NKAIN2: variants seen among roughly 807,000 people sequenced by gnomAD.
The protein encoded by NKAIN2 is sodium/potassium transporting ATPase interacting 2.
In NKAIN2, 14 loss-of-function variants were observed where a neutral mutation model predicts 32.6. That is an observed-to-expected ratio of 0.43 (90% CI 0.28 to 0.67). NKAIN2 has a LOEUF of 0.67. NKAIN2 is among the 30% of genes least tolerant of loss of function. NKAIN2 has a pLI of 0.17. For synonymous variants in NKAIN2, 80 were observed against 87.2 expected (o/e 0.92, Z 0.46); for missense variants, 198 against 258.3 (o/e 0.77, Z 1.60).
intron 3 of NKAIN2, among the ~76,000 whole-genome samples, chr6:124,439,270 T>C (rs1775589274): frequency 6.6e-6 from 1 of 152,092 alleles, no homozygotes; most frequent in South Asian, 2.1e-4. Context: ...CCAGAGTCAC[T>C]TTTTACTCCC....
chr6:123,834,350 T>A (rs1774520888), intron 1 of NKAIN2, among the ~76,000 whole-genome samples: 1 of 151,942 alleles, frequency 6.6e-6, no homozygotes, highest in Non-Finnish European at 1.5e-5. Flanking sequence ...AGACGGGGTT[T>A]CACCATGTTG....
intron 1 of NKAIN2, among the ~76,000 whole-genome samples, chr6:123,966,326 A>G (rs1378395770): frequency 6.6e-6 from 1 of 152,140 alleles, no homozygotes; most frequent in Non-Finnish European, 1.5e-5. Context: ...CATCCTCAGA[A>G]GATACGAGCT....
At chr6:124,305,442 A>G (rs1156869625) in intron 2 of NKAIN2, among the ~76,000 whole-genome samples, 1 of 152,144 alleles carries the variant, frequency 6.6e-6, no homozygotes. Flanking sequence ...TGAAAAGGAT[A>G]TATGTTGTTG....
intron 1 of NKAIN2, among the ~76,000 whole-genome samples, chr6:123,883,936 T>C (rs796412872): frequency 4.7e-5 from 7 of 150,150 alleles, no homozygotes; most frequent in African/African-American, 1.7e-4. Flanking sequence ...TCTCAGGTAT[T>C]ACAGTTTTTT....
At chr6:124,106,437 A>G (rs895086974) in intron 1 of NKAIN2, among the ~76,000 whole-genome samples, 4 of 152,204 alleles carry the variant, frequency 2.6e-5, no homozygotes, top group East Asian at 1.9e-4. Flanking sequence ...AGAGGTTTGT[A>G]TCTATGATAT....
At chr6:124,782,422 A>G (rs1562380669) in intron 4 of NKAIN2, among the ~76,000 whole-genome samples, 1 of 152,094 alleles carries the variant, frequency 6.6e-6, no homozygotes, top group Non-Finnish European at 1.5e-5. Context: ...TTCTTTTTCC[A>G]AATGCACCTA....
intron 1 of NKAIN2, among the ~76,000 whole-genome samples, chr6:123,995,146 C>G (rs891326046): frequency 1.3e-5 from 2 of 152,066 alleles, no homozygotes; most frequent in Non-Finnish European, 2.9e-5. Context: ...GAGAGAAACA[C>G]GAGAATTGCA....
chr6:124,812,398 T>A (rs898516182), intron 5 of NKAIN2, among the ~76,000 whole-genome samples: 1 of 152,176 alleles, frequency 6.6e-6, no homozygotes, highest in African/African-American at 2.4e-5. Context: ...CTATTGAGTG[T>A]CTTCCGTGAG....
At chr6:123,897,030 G>A (rs191692879) in intron 1 of NKAIN2, among the ~76,000 whole-genome samples, 17 of 152,176 alleles carry the variant, frequency 1.1e-4, no homozygotes, top group African/African-American at 3.9e-4. Context: ...GCCACCTCTT[G>A]TTGTCCTTGA....
At chr6:124,494,346 A>G (rs987361307) in intron 3 of NKAIN2, among the ~76,000 whole-genome samples, 2 of 152,106 alleles carry the variant, frequency 1.3e-5, no homozygotes, top group African/African-American at 4.8e-5. Flanking sequence ...AAATATTCTA[A>G]TCCAAATGCA....
At chr6:124,622,718 T>G (rs1448654489) in intron 3 of NKAIN2, among the ~76,000 whole-genome samples, 1 of 152,096 alleles carries the variant, frequency 6.6e-6, no homozygotes, top group African/African-American at 2.4e-5. Flanking sequence ...AGTGGGAAGG[T>G]GGTCTTCCCC....
intron 1 of NKAIN2, among the ~76,000 whole-genome samples, chr6:123,935,258 C>T (rs986006915): frequency 1.5e-4 from 23 of 149,742 alleles, no homozygotes; most frequent in African/African-American, 4.4e-4. Context: ...GTAGTGTGAC[C>T]TTATACAAAG....
intron 3 of NKAIN2, among the ~76,000 whole-genome samples, chr6:124,403,643 A>G (rs1773723590): frequency 6.6e-6 from 1 of 152,222 alleles, no homozygotes; most frequent in Non-Finnish European, 1.5e-5. Flanking sequence ...GACACTAGTA[A>G]AATTAGAGTG....
intron 3 of NKAIN2, among the ~76,000 whole-genome samples, chr6:124,510,151 GA>G (rs34750269): frequency 6.7e-4 from 99 of 148,606 alleles, no homozygotes; most frequent in Middle Eastern, 3.4e-3. Context: ...AGTGCTTTGG[GA>G]AAAAAAAAAG....
chr6:124,246,807 T>C (rs565541638), intron 1 of NKAIN2, among the ~76,000 whole-genome samples: 102 of 152,194 alleles, frequency 6.7e-4, no homozygotes, highest in African/African-American at 2.3e-3. Flanking sequence ...TGTTTTGGTT[T>C]TCTATTGCTA....
chr6:124,154,901 TATTA>T (rs1408655666), intron 1 of NKAIN2, among the ~76,000 whole-genome samples: 1 of 151,998 alleles, frequency 6.6e-6, no homozygotes, highest in African/African-American at 2.4e-5. Context: ...GACATAAAAG[TATTA>T]ATTGAGAGAT....
intron 3 of NKAIN2, among the ~76,000 whole-genome samples, chr6:124,591,185 G>A (rs1257880983): frequency 6.6e-6 from 1 of 152,186 alleles, no homozygotes; most frequent in Non-Finnish European, 1.5e-5. Flanking sequence ...GTGGTGCCAC[G>A]AATTGGAATG....
At chr6:124,443,731 C>T (rs193085610) in intron 3 of NKAIN2, among the ~76,000 whole-genome samples, 154 of 152,170 alleles carry the variant, frequency 1.0e-3, no homozygotes, top group Non-Finnish European at 1.6e-3. Context: ...CATCAGGAAA[C>T]GTGTCATAAA....
chr6:124,397,982 G>C (rs190356189), intron 3 of NKAIN2, among the ~76,000 whole-genome samples: 1 of 151,924 alleles, frequency 6.6e-6, no homozygotes, highest in Non-Finnish European at 1.5e-5. Flanking sequence ...GGCCGGGCGT[G>C]GTGGCTCACA....
Sources: allele counts gnomAD v4.1 joint callset (sites outside exome capture counted in the v4.1 genomes callset), GRCh38; gene constraint gnomAD v4.1.1; transcripts MANE v1.5; gene names NCBI Gene and HGNC (gene_info 2026-07-23, HGNC 2026-07-21).